Variants in NRCAM observed in about 807,000 individuals in gnomAD.
NRCAM encodes the protein neuronal cell adhesion molecule, also known as NgCAM-related cell adhesion molecule.
NRCAM carries 83 observed loss-of-function variants against 156.5 expected under a neutral mutation model. The observed-to-expected ratio is 0.53, with a 90% CI of 0.44 to 0.64. The LOEUF is 0.64. Among genes scored for constraint, NRCAM ranks in the 30% least tolerant of loss-of-function variants. The pLI is 0.00. For synonymous variants in NRCAM, 538 were observed against 563.9 expected, an observed-to-expected ratio of 0.95 and a Z score of 0.65; for missense variants, 1,417 against 1,597.3, an observed-to-expected ratio of 0.89 and a Z score of 1.92.
intron 3 of NRCAM, among the ~76,000 whole-genome samples, chr7:108,251,681 C>G (rs2096358373): frequency 6.6e-6 from 1 of 152,230 alleles, no homozygotes; most frequent in Non-Finnish European, 1.5e-5. Flanking sequence ...ATGGTGCTGT[C>G]TCAACCAAGG....
chr7:108,231,013 C>G lies in NRCAM; in HGVS notation c.550+18G>C. 6.3e-7 allele frequency: 1 copy of G among 1,575,502 alleles called. No individual in the cohort carries two copies. Among genetic ancestry groups the G allele is most frequent in the Non-Finnish European group, 8.7e-7 (1 of 1,148,304 alleles). ...CTAAGACTTTTAAAGAAAGAAAGTT[C>G]ATATTATCAAAACTTACAATTATCC... On this transcript the variant is annotated intron_variant, in intron 8 of 32. Transcript: ENST00000379028.
chr7:108,166,842 C>T (rs1585843213), intron 30 of NRCAM, 79 bp downstream of exon 30: 1 of 1,376,436 alleles, frequency 7.3e-7, no homozygotes, highest in East Asian at 2.4e-5. Flanking sequence ...ACAGCTCCAC[C>T]AGCCCCCATC....
At chr7:108,372,636 C>T (rs2099636193) in intron 2 of NRCAM, among the ~76,000 whole-genome samples, 1 of 151,964 alleles carries the variant, frequency 6.6e-6, no homozygotes. Context: ...ATATGCAAAT[C>T]AAAACTACAA....
At chr7:108,415,989 G>T (rs1801093142) in intron 1 of NRCAM, among the ~76,000 whole-genome samples, 1 of 152,210 alleles carries the variant, frequency 6.6e-6, no homozygotes, top group South Asian at 2.1e-4. Context: ...TTTTCACAGT[G>T]GCCCTCTCTG....
At chr7:108,433,174 C>G (rs1827856187) in intron 1 of NRCAM, among the ~76,000 whole-genome samples, 1 of 152,052 alleles carries the variant, frequency 6.6e-6, no homozygotes, top group South Asian at 2.1e-4. Flanking sequence ...CTTGAAGGTC[C>G]AAGCTTTCCA....
At chr7:108,189,825 G>A (rs781125199) in intron 19 of NRCAM, 79 bp from the exon 20 acceptor site, 257 of 667,946 alleles carry the variant, frequency 3.8e-4, no homozygotes, top group Non-Finnish European at 6.1e-4. Context: ...ACTATTCACA[G>A]AGGGGACATC....
At chr7:108,403,938 TC>T (rs2099800230) in intron 1 of NRCAM, among the ~76,000 whole-genome samples, 1 of 152,186 alleles carries the variant, frequency 6.6e-6, no homozygotes, top group African/African-American at 2.4e-5. Context: ...CCTCACGGGA[TC>T]TCTCCTTATG....
intron 32 of NRCAM, among the ~76,000 whole-genome samples, chr7:108,155,452 T>C (rs187863118): frequency 1.3e-3 from 199 of 152,158 alleles, no homozygotes; most frequent in African/African-American, 4.6e-3. Context: ...ATCAGGATCA[T>C]TGTGCAGTGG....
At chr7:108,189,789 T>G (rs1369877112) in intron 19 of NRCAM, 43 bp from the exon 20 acceptor site, 2 of 764,338 alleles carry the variant, frequency 2.6e-6, no homozygotes, top group Non-Finnish European at 2.3e-6. Context: ...GCATCCATCT[T>G]TAAGAGGCTC....
In NRCAM at chr7:108,209,609, A is replaced by G; in HGVS notation, c.891-4T>C. 6.4e-7 allele frequency: 1 copy of G among 1,572,926 alleles called. No homozygotes were observed. Among genetic ancestry groups the G allele is most frequent in the Non-Finnish European group, 8.6e-7 (1 of 1,165,068 alleles). ...CCAGTAAATAATTGGGGTAGGCCTGATAGGATAAATAAATAATGATGTTAC... is the reference window on the plus strand; with the variant it reads ...CCAGTAAATAATTGGGGTAGGCCTGGTAGGATAAATAAATAATGATGTTAC... On this transcript the variant is annotated splice_polypyrimidine_tract_variant and splice_region_variant and intron_variant, in intron 11 of 32. Transcript: ENST00000379028.
chr7:108,208,008 TCTGGACCAGG>T (rs2082049912), intron 12 of NRCAM, among the ~76,000 whole-genome samples: 1 of 152,042 alleles, frequency 6.6e-6, no homozygotes, highest in African/African-American at 2.4e-5. Flanking sequence ...AAATTTAAAT[TCTGGACCAGG>T]CATGGTGGCT....
chr7:108,452,968 T>C (rs1158141920), intron 1 of NRCAM, among the ~76,000 whole-genome samples: 1 of 152,200 alleles, frequency 6.6e-6, no homozygotes, highest in Non-Finnish European at 1.5e-5. Context: ...ATCTGAGTGC[T>C]AGTTAAGTCA....
intron 3 of NRCAM, among the ~76,000 whole-genome samples, chr7:108,267,852 G>A (rs1242382520): frequency 6.6e-6 from 1 of 152,088 alleles, no homozygotes; most frequent in Admixed American, 6.6e-5. Flanking sequence ...TTCTTCCATG[G>A]TATAACATTA....
intron 1 of NRCAM, among the ~76,000 whole-genome samples, chr7:108,453,026 G>GA (rs3216493): frequency 0.21 from 32,049 of 152,046 alleles, 3,805 homozygotes; most frequent in East Asian, 0.36. Context: ...TGTGATATGT[G>GA]AAAAAAACTC....
chr7:108,282,818 T>G (rs978451484), intron 3 of NRCAM, among the ~76,000 whole-genome samples: 5 of 152,196 alleles, frequency 3.3e-5, no homozygotes, highest in African/African-American at 1.2e-4. Context: ...AGACACGACC[T>G]TCAAATGCAA....
At chr7:108,402,700 T>C (rs2154397834) in intron 1 of NRCAM, among the ~76,000 whole-genome samples, 1 of 152,308 alleles carries the variant, frequency 6.6e-6, no homozygotes, top group East Asian at 1.9e-4. Context: ...ATTCTAATGT[T>C]AACTTCCCCA....
chr7:108,443,366 T>A (rs1290640835), intron 1 of NRCAM, among the ~76,000 whole-genome samples: 1 of 152,194 alleles, frequency 6.6e-6, no homozygotes, highest in Non-Finnish European at 1.5e-5. Flanking sequence ...GAGTTCACAG[T>A]ATATTCAAAT....
At chr7:108,175,479 C>T (rs2060131814) in intron 27 of NRCAM, 122 bp from the exon 28 acceptor site, 3 of 843,390 alleles carry the variant, frequency 3.6e-6, no homozygotes, top group Non-Finnish European at 5.5e-6. Context: ...ATGAAGTGTA[C>T]CACATCAGGT....
At chr7:108,261,773 G>A (rs2096897881) in intron 3 of NRCAM, among the ~76,000 whole-genome samples, 1 of 152,102 alleles carries the variant, frequency 6.6e-6, no homozygotes, top group Non-Finnish European at 1.5e-5. Context: ...GGGATCTCTT[G>A]CTTCCTGCCC....
Sources: allele counts gnomAD v4.1 joint callset (sites outside exome capture counted in the v4.1 genomes callset), GRCh38; gene constraint gnomAD v4.1.1; transcripts MANE v1.5; gene names NCBI Gene and HGNC (gene_info 2026-07-23, HGNC 2026-07-21).